The following GALNT13 variants were observed in gnomAD, a reference collection of about 807,000 sequenced individuals.
GALNT13 encodes the protein polypeptide N-acetylgalactosaminyltransferase 13.
A neutral mutation model predicts 64.2 loss-of-function variants in GALNT13; 28 were observed. That is an observed-to-expected ratio of 0.44 (90% CI 0.32 to 0.60). The LOEUF (loss-of-function observed/expected upper bound fraction) is 0.60. GALNT13 is among the 20% of genes least tolerant of loss of function. The probability of loss-of-function intolerance (pLI) is 0.05; values close to 1 mark genes in which losing one functional copy is unlikely to be tolerated. For synonymous variants in GALNT13, 214 were observed against 224.6 expected, an observed-to-expected ratio of 0.95 and a Z score of 0.42; for missense variants, 577 against 669.8, an observed-to-expected ratio of 0.86 and a Z score of 1.53.
At chr2:153,286,845 A>G in the GALNT13 span, among the ~76,000 whole-genome samples, 14 of 152,336 alleles carry the variant, frequency 9.2e-5, no homozygotes, top group African/African-American at 3.1e-4. Context: ...AAGTCTTTCT[A>G]TGAATGAACC....
intron 11 of GALNT13, among the ~76,000 whole-genome samples, chr2:154,412,532 A>G (rs762806964): frequency 2.6e-5 from 4 of 151,796 alleles, no homozygotes; most frequent in Non-Finnish European, 5.9e-5. Context: ...TAACTTAGTT[A>G]CATTTCTAAA....
intron 11 of GALNT13, chr2:154,437,430 A>T (rs1043952301): frequency 6.8e-6 from 5 of 738,368 alleles, no homozygotes; most frequent in Non-Finnish European, 7.2e-6. Context: ...TTTGAGAAAC[A>T]AAAAGACCCT....
chr2:153,952,266 G>T (rs1334518589), intron 3 of GALNT13, among the ~76,000 whole-genome samples: 1 of 152,146 alleles, frequency 6.6e-6, no homozygotes. Flanking sequence ...TTGCATGGGC[G>T]TTATGACATA....
At chr2:153,404,473 GA>G in the GALNT13 span, among the ~76,000 whole-genome samples, 1 of 152,004 alleles carries the variant, frequency 6.6e-6, no homozygotes, top group African/African-American at 2.4e-5. Flanking sequence ...TTTGCTGTTA[GA>G]AGCTTTCTAA....
At chr2:153,945,402 T>G (rs1691652567) in intron 3 of GALNT13, among the ~76,000 whole-genome samples, 1 of 152,144 alleles carries the variant, frequency 6.6e-6, no homozygotes, top group Non-Finnish European at 1.5e-5. Context: ...AATTCAATAC[T>G]TCTAAAATAT....
the GALNT13 span, among the ~76,000 whole-genome samples, chr2:153,846,669 A>C: frequency 1.3e-5 from 2 of 152,152 alleles, no homozygotes; most frequent in South Asian, 4.1e-4. Context: ...AAACAGTTTA[A>C]CTCATGAGTG....
At chr2:154,137,285 T>C (rs1683010184) in intron 3 of GALNT13, among the ~76,000 whole-genome samples, 1 of 150,744 alleles carries the variant, frequency 6.6e-6, no homozygotes, top group Non-Finnish European at 1.5e-5. Flanking sequence ...CCAATAGGCC[T>C]GCTTATACAC....
chr2:153,784,785 T>C, the GALNT13 span, among the ~76,000 whole-genome samples: 3 of 152,186 alleles, frequency 2.0e-5, no homozygotes, highest in Non-Finnish European at 4.4e-5. Context: ...GGCTTGGAAC[T>C]CCAGCCAGCC....
At chr2:153,280,959 G>T in the GALNT13 span, among the ~76,000 whole-genome samples, 2 of 152,178 alleles carry the variant, frequency 1.3e-5, no homozygotes, top group Non-Finnish European at 2.9e-5. Context: ...GCTGTAAGTG[G>T]ATTGTTGAAG....
At chr2:153,772,510 C>T in the GALNT13 span, among the ~76,000 whole-genome samples, 1 of 152,292 alleles carries the variant, frequency 6.6e-6, no homozygotes, top group Non-Finnish European at 1.5e-5. Flanking sequence ...CCACTTTCTC[C>T]TCCCTGAGAT....
At chr2:153,578,752 G>C in the GALNT13 span, among the ~76,000 whole-genome samples, 3 of 152,126 alleles carry the variant, frequency 2.0e-5, no homozygotes, top group African/African-American at 7.2e-5. Context: ...AATGTTCTGT[G>C]GTCTGTAGCA....
the GALNT13 span, among the ~76,000 whole-genome samples, chr2:153,860,283 G>T: frequency 6.6e-6 from 1 of 152,194 alleles, no homozygotes; most frequent in Non-Finnish European, 1.5e-5. Context: ...CTGACGAACA[G>T]ATCATGCTTC....
chr2:153,838,301 G>A, the GALNT13 span, among the ~76,000 whole-genome samples: 1 of 151,960 alleles, frequency 6.6e-6, no homozygotes, highest in South Asian at 2.1e-4. Flanking sequence ...TGCTTTTGGT[G>A]TGATATCCAA....
At chr2:154,260,860 A>G (rs1001345672) in intron 8 of GALNT13, among the ~76,000 whole-genome samples, 1 of 152,168 alleles carries the variant, frequency 6.6e-6, no homozygotes, top group South Asian at 2.1e-4. Context: ...AAGAAATAAA[A>G]TCAACACAGA....
At chr2:153,629,385 C>A in the GALNT13 span, among the ~76,000 whole-genome samples, 1 of 151,702 alleles carries the variant, frequency 6.6e-6, no homozygotes. Flanking sequence ...CTGAGAAAAA[C>A]AAGCAGTGGG....
the GALNT13 span, among the ~76,000 whole-genome samples, chr2:153,821,402 C>A: frequency 3.9e-5 from 6 of 152,198 alleles, no homozygotes; most frequent in South Asian, 1.2e-3. Context: ...TTTTAGATCG[C>A]TGTAGAATAA....
At chr2:154,393,056 G>A (rs995654774) in intron 9 of GALNT13, among the ~76,000 whole-genome samples, 5 of 152,238 alleles carry the variant, frequency 3.3e-5, no homozygotes, top group African/African-American at 1.2e-4. Context: ...TGGAGATGGA[G>A]CAAGTTGGAG....
chr2:153,592,696 G>A, the GALNT13 span, among the ~76,000 whole-genome samples: 3 of 152,152 alleles, frequency 2.0e-5, no homozygotes, highest in African/African-American at 7.2e-5. Flanking sequence ...AGGACCCACA[G>A]ACCCTCTGAA....
At chr2:154,287,170 A>G (rs1240483261) in intron 8 of GALNT13, 9 of 1,479,534 alleles carry the variant, frequency 6.1e-6, no homozygotes, top group Non-Finnish European at 7.5e-6. Context: ...AAGCCAAACA[A>G]TTGGCTCAGC....
Sources: gnomAD v4.1 joint callset for allele counts (sites outside exome capture counted in the v4.1 genomes callset) on GRCh38, gnomAD v4.1.1 for gene constraint, MANE v1.5 for transcripts, NCBI Gene and HGNC (gene_info 2026-07-23, HGNC 2026-07-21) for gene names.